The following VWC2L variants were observed in gnomAD, a reference collection of about 807,000 sequenced individuals.
VWC2L encodes the protein von Willebrand factor C domain-containing protein 2-like.
VWC2L carries 10 observed loss-of-function variants against 21.6 expected under a neutral mutation model. That is an observed-to-expected ratio of 0.46 (90% confidence interval 0.29 to 0.78). The LOEUF is 0.78. VWC2L is among the 30% of genes least tolerant of loss of function. VWC2L has a pLI of 0.10. For missense variants in VWC2L, 209 were observed against 277.1 expected (o/e 0.75, Z 1.74); for synonymous variants, 96 against 94.3 (o/e 1.02, Z -0.10).
intron 3 of VWC2L, among the ~76,000 whole-genome samples, chr2:214,535,855 T>C (rs1689518779): frequency 6.6e-6 from 1 of 151,752 alleles, no homozygotes; most frequent in Admixed American, 6.6e-5. Flanking sequence ...AAAGAGAAGA[T>C]ACAGGACTCT....
intron 3 of VWC2L, among the ~76,000 whole-genome samples, chr2:214,503,494 A>G (rs1464101275): frequency 1.3e-5 from 2 of 152,160 alleles, no homozygotes; most frequent in Non-Finnish European, 2.9e-5. Context: ...AAGAGCTTAG[A>G]GCTCATCAAA....
chr2:214,462,986 AT>A (rs1559298175), intron 3 of VWC2L, among the ~76,000 whole-genome samples: 2 of 152,170 alleles, frequency 1.3e-5, no homozygotes, highest in South Asian at 4.1e-4. Flanking sequence ...ACGAAAGAAC[AT>A]TTTTTATAAC....
At chr2:214,454,035 G>A (rs1004032166) in intron 3 of VWC2L, among the ~76,000 whole-genome samples, 1 of 151,950 alleles carries the variant, frequency 6.6e-6, no homozygotes, top group Non-Finnish European at 1.5e-5. Flanking sequence ...AAATACTCTT[G>A]TAGTTAGTAT....
chr2:214,502,971 A>G (rs777368550), intron 3 of VWC2L, among the ~76,000 whole-genome samples: 2 of 152,206 alleles, frequency 1.3e-5, no homozygotes, highest in Non-Finnish European at 2.9e-5. Flanking sequence ...TTATTAGTGT[A>G]TATCACCTAA....
At chr2:214,478,733 A>G (rs1043269383) in intron 3 of VWC2L, among the ~76,000 whole-genome samples, 1 of 151,884 alleles carries the variant, frequency 6.6e-6, no homozygotes, top group Non-Finnish European at 1.5e-5. Flanking sequence ...TGCCTTAAAT[A>G]CTCAATCCCC....
At chr2:214,540,506 G>A (rs1011508097) in intron 3 of VWC2L, among the ~76,000 whole-genome samples, 1 of 152,114 alleles carries the variant, frequency 6.6e-6, no homozygotes, top group African/African-American at 2.4e-5. Context: ...GTTTCTCCTT[G>A]CATACAGCGG....
chr2:214,430,786 C>G (rs1702589751), intron 2 of VWC2L, among the ~76,000 whole-genome samples: 1 of 152,128 alleles, frequency 6.6e-6, no homozygotes, highest in Non-Finnish European at 1.5e-5. Flanking sequence ...GATAATAATA[C>G]CACGATATAC....
Position 214,461,919 on chromosome 2 carries a change from G to A in VWC2L, c.520+25161G>A, listed in dbSNP as rs1574577745. Among the ~76,000 whole-genome samples, 3 of 152,202 alleles carry A rather than the reference G, an allele frequency of 2.0e-5. No homozygotes were observed. The East Asian group carries it at 5.8e-4, about 29-fold the overall frequency. On this transcript the variant is annotated intron_variant, in intron 3 of 3. Coordinates refer to ENST00000312504, the MANE Select transcript of VWC2L (RefSeq NM_001080500.4). ...CAGAAAGCTGGCTTTTAGGCTCTGG[G>A]AAGCCTCGCCAGTGAACTGCACTGC...
intron 3 of VWC2L, among the ~76,000 whole-genome samples, chr2:214,529,244 C>T (rs992929194): frequency 1.1e-4 from 16 of 152,130 alleles, no homozygotes; most frequent in Non-Finnish European, 2.2e-4. Context: ...ATCATCTCTT[C>T]ATGTTGAAAC....
intron 3 of VWC2L, among the ~76,000 whole-genome samples, chr2:214,555,590 T>A (rs1368391629): frequency 1.3e-5 from 2 of 152,196 alleles, no homozygotes; most frequent in African/African-American, 4.8e-5. Flanking sequence ...AAACTGGCAA[T>A]TTCTGGGAAG....
At chr2:214,549,645 C>T (rs750192954) in intron 3 of VWC2L, among the ~76,000 whole-genome samples, 6 of 152,148 alleles carry the variant, frequency 3.9e-5, no homozygotes, top group Non-Finnish European at 8.8e-5. Context: ...TGGTGGTGTA[C>T]ATCTGTAATC....
chr2:214,544,712 A>G (rs1344445229), intron 3 of VWC2L, among the ~76,000 whole-genome samples: 4 of 152,164 alleles, frequency 2.6e-5, no homozygotes, highest in African/African-American at 7.2e-5. Context: ...AATAGGGGAC[A>G]CTACTATGTT....
At chr2:214,496,490 G>A (rs951873326) in intron 3 of VWC2L, among the ~76,000 whole-genome samples, 1 of 152,008 alleles carries the variant, frequency 6.6e-6, no homozygotes, top group African/African-American at 2.4e-5. Flanking sequence ...ATCTACAAGG[G>A]CACCAGCTTT....
intron 3 of VWC2L, among the ~76,000 whole-genome samples, chr2:214,525,926 G>A (rs57722321): frequency 0.052 from 7,886 of 152,010 alleles, 669 homozygotes; most frequent in African/African-American, 0.18. Flanking sequence ...AGTACATACC[G>A]CATACCATTA....
chr2:214,508,049 T>C (rs1381496024), intron 3 of VWC2L, among the ~76,000 whole-genome samples: 1 of 152,280 alleles, frequency 6.6e-6, no homozygotes, highest in Middle Eastern at 3.4e-3. Flanking sequence ...TGATCTCGGC[T>C]CACTGCAAGC....
At chr2:214,486,046 A>G (rs1688668078) in intron 3 of VWC2L, among the ~76,000 whole-genome samples, 1 of 152,068 alleles carries the variant, frequency 6.6e-6, no homozygotes, top group Admixed American at 6.5e-5. Flanking sequence ...TTCCTGTGTC[A>G]TGTAATATGT....
At chr2:214,480,864 C>CAAAAAAAAAAAAAAAA (rs59720596) in intron 3 of VWC2L, among the ~76,000 whole-genome samples, 6 of 71,756 alleles carry the variant, frequency 8.4e-5, no homozygotes, top group African/African-American at 3.3e-4. Context: ...TATGCCAAGC[C>CAAAAAAAAAAAAAAAA]AAAAAAAAAA....
intron 3 of VWC2L, among the ~76,000 whole-genome samples, chr2:214,469,117 C>T (rs1703266318): frequency 6.6e-6 from 1 of 151,972 alleles, no homozygotes. Context: ...TGTCTTATTA[C>T]TGAATTAAAA....
intron 3 of VWC2L, among the ~76,000 whole-genome samples, chr2:214,572,752 G>A (rs184515189): frequency 2.0e-5 from 3 of 152,216 alleles, no homozygotes; most frequent in Admixed American, 2.0e-4. Flanking sequence ...GACTTCTGTA[G>A]TTACACCTAA....
Sources: gnomAD v4.1 joint callset for allele counts (sites outside exome capture counted in the v4.1 genomes callset) on GRCh38, gnomAD v4.1.1 for gene constraint, MANE v1.5 for transcripts, NCBI Gene and HGNC (gene_info 2026-07-23, HGNC 2026-07-21) for gene names.